Variants in RSPO2 observed in about 807,000 individuals in gnomAD.
The protein encoded by RSPO2 is R-spondin 2, also known as R-spondin-2.
RSPO2 carries 14 observed loss-of-function variants against 30.9 expected under a neutral mutation model. That is an observed-to-expected ratio of 0.45 (90% CI 0.30 to 0.71). RSPO2 has a LOEUF of 0.71. Ranked by LOEUF, RSPO2 falls within the 30% of genes least tolerant of loss-of-function variation. The probability of loss-of-function intolerance (pLI) is 0.08; values close to 1 mark genes in which losing one functional copy is unlikely to be tolerated. For missense variants in RSPO2, 264 were observed against 301.9 expected, an observed-to-expected ratio of 0.87 and a Z score of 0.93; for synonymous variants, 107 against 96.4, an observed-to-expected ratio of 1.11 and a Z score of -0.64.
At chr8:108,026,294 C>T (rs574498320) in intron 2 of RSPO2, among the ~76,000 whole-genome samples, 1 of 152,194 alleles carries the variant, frequency 6.6e-6, no homozygotes, top group South Asian at 2.1e-4. Context: ...TAAAGTATGA[C>T]CACTAAATGC....
intron 2 of RSPO2, among the ~76,000 whole-genome samples, chr8:108,012,677 G>A (rs945840570): frequency 3.3e-5 from 5 of 152,032 alleles, no homozygotes; most frequent in African/African-American, 1.2e-4. Flanking sequence ...CTATTCCTAT[G>A]GTAATTAATT....
intron 5 of RSPO2, among the ~76,000 whole-genome samples, chr8:107,956,728 G>A (rs960755999): frequency 1.3e-5 from 2 of 152,144 alleles, no homozygotes; most frequent in Non-Finnish European, 2.9e-5. Context: ...GAATGGGGGA[G>A]GGGCTAGTTA....
rs936561877 is a variant in RSPO2 at position 107,988,969 on chromosome 8, T to A, written c.283+87A>T. 13 of 1,254,928 alleles carry A rather than the reference T, an allele frequency of 1.0e-5. No individual in the cohort carries two copies. The African/African-American group carries it at 2.0e-4, about 20-fold the overall frequency. The allele number at this position is 1,254,928 out of a possible 1,614,324, so 77.7% of individuals were successfully genotyped here. ...ATCACCTATTACAAACACATTTTTTTTAAAAAAATCATTCAAAATCTTCAA... is the reference window on the plus strand; with the variant it reads ...ATCACCTATTACAAACACATTTTTTATAAAAAAATCATTCAAAATCTTCAA... On this transcript the variant is annotated intron_variant, in intron 3 of 5. Transcript: ENST00000276659.
At chr8:107,914,261 G>C (rs539109995) in intron 5 of RSPO2, among the ~76,000 whole-genome samples, 1 of 152,056 alleles carries the variant, frequency 6.6e-6, no homozygotes, top group Non-Finnish European at 1.5e-5. Context: ...GCCAGTAACA[G>C]TGAACAGGAA....
chr8:108,039,610 C>T (rs1811694071), intron 2 of RSPO2, among the ~76,000 whole-genome samples: 1 of 151,868 alleles, frequency 6.6e-6, no homozygotes, highest in East Asian at 1.9e-4. Flanking sequence ...CTTAAGGTAC[C>T]TTTCAAAAGG....
At chr8:107,912,704 C>T (rs925942227) in intron 5 of RSPO2, among the ~76,000 whole-genome samples, 1 of 152,110 alleles carries the variant, frequency 6.6e-6, no homozygotes, top group African/African-American at 2.4e-5. Context: ...AAGTTTGGGG[C>T]TTCTGCCTAA....
intron 3 of RSPO2, among the ~76,000 whole-genome samples, chr8:107,969,846 T>G (rs1813935200): frequency 6.6e-6 from 1 of 152,202 alleles, no homozygotes; most frequent in Non-Finnish European, 1.5e-5. Context: ...TTCTTGTGCT[T>G]TTCCTTTTTT....
Position 107,920,722 on chromosome 8 carries a change from A to G in RSPO2, c.617-19532T>C, listed in dbSNP as rs190031373. Among the ~76,000 whole-genome samples the G allele has an allele frequency of 7.6e-3, 1,158 of 152,210 alleles. 8 individuals carry two copies. The highest frequency in any genetic ancestry group is 0.011 in the Non-Finnish European group (714 of 67,992). On this transcript the variant is annotated intron_variant, in intron 5 of 5. Coordinates refer to ENST00000276659, the MANE Select transcript of RSPO2 (RefSeq NM_178565.5). Reference sequence around the variant, plus strand: ...GTAGAAATTAGATACGTTCCCATTAAGGATTATATGAATGCATAATGTTAT... The same window carrying G: ...GTAGAAATTAGATACGTTCCCATTAGGGATTATATGAATGCATAATGTTAT...
At chr8:107,974,113 A>G (rs1262456457) in intron 3 of RSPO2, among the ~76,000 whole-genome samples, 2 of 152,134 alleles carry the variant, frequency 1.3e-5, no homozygotes, top group Admixed American at 6.6e-5. Flanking sequence ...TTCATATTTG[A>G]ATTCCGCAGG....
intron 3 of RSPO2, among the ~76,000 whole-genome samples, chr8:107,966,252 C>T (rs1026027738): frequency 1.3e-5 from 2 of 152,082 alleles, no homozygotes; most frequent in East Asian, 1.9e-4. Flanking sequence ...AGATTCTGGC[C>T]ATGAGCATAA....
At chr8:107,953,172 T>C (rs1191083817) in intron 5 of RSPO2, among the ~76,000 whole-genome samples, 1 of 152,168 alleles carries the variant, frequency 6.6e-6, no homozygotes. Context: ...GCACAGAGCC[T>C]TCTGATGTGG....
intron 3 of RSPO2, among the ~76,000 whole-genome samples, chr8:107,981,461 C>T (rs1315826206): frequency 6.6e-6 from 1 of 151,992 alleles, no homozygotes; most frequent in Non-Finnish European, 1.5e-5. Flanking sequence ...GCGGAGGTTA[C>T]AGTGAGCTGA....
At chr8:107,901,359 T>G (rs1811457945) in intron 5 of RSPO2, among the ~76,000 whole-genome samples, 169 bp from the exon 6 acceptor site, 1 of 151,842 alleles carries the variant, frequency 6.6e-6, no homozygotes, top group Non-Finnish European at 1.5e-5. Context: ...TAATAATAAT[T>G]TACTAAATTA....
intron 2 of RSPO2, among the ~76,000 whole-genome samples, chr8:108,055,513 G>C (rs973998769): frequency 6.6e-6 from 1 of 152,158 alleles, no homozygotes; most frequent in African/African-American, 2.4e-5. Flanking sequence ...CAGTGGGAAG[G>C]CCATGGACAG....
At chr8:108,056,677 A>G (rs1225803116) in intron 2 of RSPO2, among the ~76,000 whole-genome samples, 3 of 151,214 alleles carry the variant, frequency 2.0e-5, no homozygotes, top group South Asian at 2.1e-4. Flanking sequence ...GAAAACCAAC[A>G]CTATGCCTGG....
At chr8:107,925,340 G>A (rs1812326418) in intron 5 of RSPO2, among the ~76,000 whole-genome samples, 1 of 151,638 alleles carries the variant, frequency 6.6e-6, no homozygotes, top group East Asian at 1.9e-4. Flanking sequence ...CAAACTGTGA[G>A]AAGTTATTTG....
In RSPO2 at chr8:108,029,130, A is replaced by G. The variant is rs1166863758; in HGVS notation, c.95-39886T>C. 2.2e-5 allele frequency among the ~76,000 whole-genome samples: 3 copies of G among 138,032 alleles called. No homozygotes were observed. The East Asian group carries it at 6.4e-4, about 29-fold the overall frequency. 90.6% of individuals were successfully genotyped at this position (138,032 alleles called of 152,430 possible). On this transcript the variant is annotated intron_variant, in intron 2 of 5. Transcript: ENST00000276659. ...AATCCTCTGCATCAGGGATTAGCAAACTACAACCAACCAGCCAAATCCAGC... is the reference window on the plus strand; with the variant it reads ...AATCCTCTGCATCAGGGATTAGCAAGCTACAACCAACCAGCCAAATCCAGC...
chr8:107,917,810 T>A (rs895969528), intron 5 of RSPO2, among the ~76,000 whole-genome samples: 1 of 152,202 alleles, frequency 6.6e-6, no homozygotes, highest in African/African-American at 2.4e-5. Flanking sequence ...TTAATAGTTA[T>A]AATTGTTATG....
intron 2 of RSPO2, among the ~76,000 whole-genome samples, chr8:108,074,494 T>A (rs1812952045): frequency 6.6e-6 from 1 of 152,180 alleles, no homozygotes. Flanking sequence ...AAAATAATTT[T>A]AAAAATTACC....
Sources: gnomAD v4.1 joint callset for allele counts (sites outside exome capture counted in the v4.1 genomes callset) on GRCh38, gnomAD v4.1.1 for gene constraint, MANE v1.5 for transcripts, NCBI Gene and HGNC (gene_info 2026-07-23, HGNC 2026-07-21) for gene names.